Variants in DCLK1 observed in about 807,000 individuals in gnomAD.
The protein encoded by DCLK1 is doublecortin like kinase 1.
In DCLK1, 16 loss-of-function variants were observed where a neutral mutation model predicts 86.2. That is an observed-to-expected ratio of 0.19 (90% CI 0.13 to 0.28). DCLK1 has a LOEUF of 0.28. Ranked by LOEUF, DCLK1 falls within the 10% of genes least tolerant of loss-of-function variation. The pLI, the probability that DCLK1 is intolerant of heterozygous loss-of-function variation, is 1.00. For synonymous variants in DCLK1, 369 were observed against 370.5 expected, an observed-to-expected ratio of 1.00 and a Z score of 0.05; for missense variants, 590 against 940.2, an observed-to-expected ratio of 0.63 and a Z score of 4.87.
At chr13:35,989,221 C>T (rs1287011745) in intron 3 of DCLK1, among the ~76,000 whole-genome samples, 2 of 152,132 alleles carry the variant, frequency 1.3e-5, no homozygotes, top group Admixed American at 6.5e-5. Flanking sequence ...TGTAAATTTG[C>T]TTTTTGCAAA....
chr13:35,899,813 T>C (rs1874235794), intron 4 of DCLK1, among the ~76,000 whole-genome samples: 2 of 152,222 alleles, frequency 1.3e-5, no homozygotes, highest in East Asian at 1.9e-4. Flanking sequence ...TTTGAAAAAA[T>C]GGCACATATA....
At chr13:36,046,154 G>A (rs1233228396) in intron 3 of DCLK1, among the ~76,000 whole-genome samples, 1 of 152,010 alleles carries the variant, frequency 6.6e-6, no homozygotes, top group African/African-American at 2.4e-5. Context: ...TTTCTAATAA[G>A]AATTTCTCTC....
Position 35,828,304 on chromosome 13 carries a change from C to T in DCLK1, c.1233G>A (p.Ser411=), listed in dbSNP as rs1467386054. The T allele has an allele frequency of 3.7e-6, 6 of 1,605,246 alleles. No homozygotes were observed. Among genetic ancestry groups the T allele is most frequent in the East Asian group, 4.5e-5 (2 of 44,772 alleles). ...FAVVKECVER[S]TAREYALKII... is the part of the protein sequence containing the mutation. ...TTTTCAGAGCATACTCTCTAGCAGT[C>T]GATCTGCGAAGAGAAAGTTCATGTT... The change falls in exon 9 of 17, where the codon TCG becomes TCA. Residue 411 remains serine (S), a synonymous_variant. Transcript: ENST00000360631.
intron 4 of DCLK1, among the ~76,000 whole-genome samples, chr13:35,893,976 A>T (rs1873795632): frequency 6.6e-6 from 1 of 152,214 alleles, no homozygotes; most frequent in Admixed American, 6.5e-5. Context: ...AACATACATG[A>T]ACTTTGTATC....
At chr13:35,970,130 A>G (rs1878994478) in intron 3 of DCLK1, among the ~76,000 whole-genome samples, 1 of 152,056 alleles carries the variant, frequency 6.6e-6, no homozygotes, top group African/African-American at 2.4e-5. Flanking sequence ...CCTTTCTATT[A>G]AGGGACCGAG....
At chr13:35,871,150 AGGCT>A in intron 5 of DCLK1, 70 bp downstream of exon 5, 1 of 1,245,302 alleles carries the variant, frequency 8.0e-7, no homozygotes, top group South Asian at 1.3e-5. Context: ...CTCACACTCT[AGGCT>A]TCACACACCC....
intron 3 of DCLK1, among the ~76,000 whole-genome samples, chr13:36,047,189 C>T (rs76220518): frequency 0.08 from 12,194 of 152,004 alleles, 950 homozygotes; most frequent in East Asian, 0.3. Flanking sequence ...CAAGATTTGG[C>T]GAGGATGTGG....
At chr13:35,930,514 T>A (rs1278147363) in intron 4 of DCLK1, among the ~76,000 whole-genome samples, 1 of 152,160 alleles carries the variant, frequency 6.6e-6, no homozygotes, top group Non-Finnish European at 1.5e-5. Flanking sequence ...GGCAGAAGAA[T>A]CGTTTGAACC....
intron 6 of DCLK1, among the ~76,000 whole-genome samples, chr13:35,844,842 A>C (rs1333662850): frequency 1.3e-5 from 2 of 152,228 alleles, no homozygotes; most frequent in African/African-American, 4.8e-5. Context: ...TTTATCATGG[A>C]AATAATAAAG....
intron 6 of DCLK1, among the ~76,000 whole-genome samples, chr13:35,852,771 G>T (rs1870747108): frequency 6.6e-6 from 1 of 152,174 alleles, no homozygotes; most frequent in Admixed American, 6.5e-5. Flanking sequence ...TCTGAGCACA[G>T]CTTTACATCC....
At chr13:35,861,837 T>C (rs1454531792) in intron 5 of DCLK1, among the ~76,000 whole-genome samples, 2 of 144,746 alleles carry the variant, frequency 1.4e-5, no homozygotes, top group African/African-American at 5.0e-5. Flanking sequence ...CCACCCTGGA[T>C]AACATAGTGA....
At chr13:35,913,195 G>A (rs979418689) in intron 4 of DCLK1, among the ~76,000 whole-genome samples, 1 of 152,182 alleles carries the variant, frequency 6.6e-6, no homozygotes, top group Admixed American at 6.5e-5. Context: ...TCTGCCCAAA[G>A]GGCCTTGTGT....
intron 3 of DCLK1, among the ~76,000 whole-genome samples, chr13:36,067,885 C>G (rs1883822152): frequency 6.6e-6 from 1 of 152,124 alleles, no homozygotes; most frequent in African/African-American, 2.4e-5. Flanking sequence ...CCACAGAACA[C>G]TAATCTGCTT....
At chr13:35,856,919 T>G (rs1290018181) in intron 5 of DCLK1, among the ~76,000 whole-genome samples, 1 of 152,186 alleles carries the variant, frequency 6.6e-6, no homozygotes, top group African/African-American at 2.4e-5. Flanking sequence ...GATGAGTCAT[T>G]TCACAAGCAA....
chr13:35,926,596 A>G (rs1260937657), intron 4 of DCLK1, among the ~76,000 whole-genome samples: 2 of 152,230 alleles, frequency 1.3e-5, no homozygotes, highest in Non-Finnish European at 1.5e-5. Context: ...TTTGTTAAAT[A>G]GTTCACACTA....
At chr13:35,878,480 CAAAACACTCT>C (rs926135446) in intron 4 of DCLK1, among the ~76,000 whole-genome samples, 55 of 152,030 alleles carry the variant, frequency 3.6e-4, no homozygotes, top group African/African-American at 1.2e-3. Flanking sequence ...CAATCAAGAT[CAAAACACTCT>C]AAAATACAGC....
intron 6 of DCLK1, among the ~76,000 whole-genome samples, chr13:35,851,428 C>T (rs1870627328): frequency 6.6e-6 from 1 of 151,954 alleles, no homozygotes; most frequent in Non-Finnish European, 1.5e-5. Flanking sequence ...AGCCAGGCAA[C>T]CAGCTCAGAT....
chr13:35,957,679 T>C (rs1878069777), intron 3 of DCLK1, among the ~76,000 whole-genome samples: 1 of 152,184 alleles, frequency 6.6e-6, no homozygotes, highest in Admixed American at 6.5e-5. Context: ...CCCAAAGCCA[T>C]GGAAGTATGC....
At chr13:35,792,919 G>A (rs922828580) in intron 16 of DCLK1, among the ~76,000 whole-genome samples, 1 of 152,144 alleles carries the variant, frequency 6.6e-6, no homozygotes, top group African/African-American at 2.4e-5. Context: ...GTAGCTTTCT[G>A]CTATGCTTTG....
Sources: allele counts gnomAD v4.1 joint callset (sites outside exome capture counted in the v4.1 genomes callset), GRCh38; gene constraint gnomAD v4.1.1; transcripts MANE v1.5; gene names NCBI Gene and HGNC (gene_info 2026-07-23, HGNC 2026-07-21).